The following DCC variants were observed in gnomAD, a reference collection of about 807,000 sequenced individuals.
The protein encoded by DCC is DCC netrin 1 receptor.
DCC carries 58 observed loss-of-function variants against 172.5 expected under a neutral mutation model. That is an observed-to-expected ratio of 0.34 (90% CI 0.27 to 0.42). DCC has a LOEUF of 0.42. DCC is among the 10% of genes least tolerant of loss of function. The pLI, the probability that DCC is intolerant of heterozygous loss-of-function variation, is 1.00. For missense variants in DCC, 1,740 were observed against 1,791.0 expected, an observed-to-expected ratio of 0.97 and a Z score of 0.51; for synonymous variants, 709 against 644.5, an observed-to-expected ratio of 1.10 and a Z score of -1.52.
At chr18:52,915,733 G>C (rs1464750063) in intron 3 of DCC, among the ~76,000 whole-genome samples, 2 of 152,186 alleles carry the variant, frequency 1.3e-5, no homozygotes, top group African/African-American at 4.8e-5. Context: ...AGGGGCAAGA[G>C]AGGCAGAAAA....
rs567279792 is a variant in DCC at position 53,015,220 on chromosome 18, ATTATTTATAG to A, written c.986-48084_986-48075del. On this transcript the variant is annotated intron_variant, in intron 5 of 28. Transcript: ENST00000442544. ...CAATCTGACTTTAATTCATTCAAAA[ATTATTTATAG>A]CAAGTTTAAAATATGAAAAGAACTG... 2.1e-3 allele frequency among the ~76,000 whole-genome samples: 322 copies of A among 152,332 alleles called. 2 individuals are homozygous for A. Among genetic ancestry groups the A allele is most frequent in the African/African-American group, 6.5e-3 (269 of 41,588 alleles).
At chr18:52,896,437 T>C (rs990950430) in intron 2 of DCC, among the ~76,000 whole-genome samples, 1 of 152,190 alleles carries the variant, frequency 6.6e-6, no homozygotes, top group African/African-American at 2.4e-5. Flanking sequence ...AGATGAAAGA[T>C]AGTTGCCACT....
At chr18:52,667,135 G>A (rs1282827581) in intron 1 of DCC, among the ~76,000 whole-genome samples, 1 of 152,110 alleles carries the variant, frequency 6.6e-6, no homozygotes, top group African/African-American at 2.4e-5. Flanking sequence ...CCCAAATGAG[G>A]AGAGGGACTT....
Position 53,486,811 on chromosome 18 carries a change from A to G in DCC, c.3751A>G (p.Ile1251Val). ...TTCTTTTGCAGCTGTCGTGAGCGCCATCCCGGTGCCAACGCTAGAAAGTGC... is the reference window on the plus strand; with the variant it reads ...TTCTTTTGCAGCTGTCGTGAGCGCCGTCCCGGTGCCAACGCTAGAAAGTGC... ...QSNNPAVVSA[I>V]PVPTLESAQY... The change falls in exon 26 of 29, where the codon ATC becomes GTC. Residue 1251 changes from isoleucine to valine, a missense_variant. By Grantham distance (29) the Ile-to-Val change is conservative. Around this residue, in one of 2 missense-constraint regions of DCC, gnomAD observed 1,732 missense variants for 1,767.4 expected, o/e 0.98. Transcript: ENST00000442544. The G allele has an allele frequency of 6.2e-7, 1 of 1,614,164 alleles. No homozygotes were observed.
chr18:52,456,763 G>T (rs1206480744), intron 1 of DCC, among the ~76,000 whole-genome samples: 3 of 151,994 alleles, frequency 2.0e-5, no homozygotes, highest in Non-Finnish European at 4.4e-5. Context: ...GAGATATCTG[G>T]TCTGACTCCT....
intron 24 of DCC, among the ~76,000 whole-genome samples, chr18:53,465,600 T>C (rs2045610977): frequency 6.6e-6 from 1 of 152,140 alleles, no homozygotes; most frequent in South Asian, 2.1e-4. Flanking sequence ...CTGAATTTCT[T>C]GAAACTATAA....
intron 11 of DCC, among the ~76,000 whole-genome samples, chr18:53,210,752 A>T (rs2055737347): frequency 6.6e-6 from 1 of 152,180 alleles, no homozygotes; most frequent in Non-Finnish European, 1.5e-5. Flanking sequence ...ATTTTTAAAA[A>T]AGCAAAAGTT....
At chr18:52,955,104 T>G (rs2040720522) in intron 5 of DCC, among the ~76,000 whole-genome samples, 1 of 152,156 alleles carries the variant, frequency 6.6e-6, no homozygotes, top group Non-Finnish European at 1.5e-5. Flanking sequence ...CCCTTGGTGT[T>G]GTACATTTGT....
chr18:52,373,871 G>A (rs1265183201), intron 1 of DCC, among the ~76,000 whole-genome samples: 1 of 148,914 alleles, frequency 6.7e-6, no homozygotes, highest in Non-Finnish European at 1.5e-5. Context: ...GATCAATGAA[G>A]CATATTTGGT....
chr18:52,986,908 C>T (rs1276904019), intron 5 of DCC, among the ~76,000 whole-genome samples: 4 of 151,706 alleles, frequency 2.6e-5, no homozygotes, highest in African/African-American at 7.3e-5. Context: ...CTGCAACCTC[C>T]GCCTCCCAGG....
At chr18:52,952,668 T>C (rs1452575282) in intron 5 of DCC, among the ~76,000 whole-genome samples, 1 of 152,186 alleles carries the variant, frequency 6.6e-6, no homozygotes, top group Admixed American at 6.5e-5. Flanking sequence ...TACTTCTTTA[T>C]ATGTTGACAA....
intron 1 of DCC, among the ~76,000 whole-genome samples, chr18:52,526,552 A>G (rs760543250): frequency 6.6e-6 from 1 of 152,062 alleles, no homozygotes; most frequent in Non-Finnish European, 1.5e-5. Flanking sequence ...AGCCTTTTCT[A>G]TCTCATGTCA....
chr18:52,935,567 A>G (rs948907606), intron 5 of DCC, among the ~76,000 whole-genome samples: 1 of 152,004 alleles, frequency 6.6e-6, no homozygotes, highest in Non-Finnish European at 1.5e-5. Flanking sequence ...TATTTTTTGC[A>G]TAGGCTTTAA....
intron 1 of DCC, among the ~76,000 whole-genome samples, chr18:52,473,136 T>G (rs1248700324): frequency 2.6e-5 from 4 of 152,176 alleles, no homozygotes; most frequent in Non-Finnish European, 5.9e-5. Context: ...AGAAGCTTAT[T>G]TCTGCCTGCT....
At chr18:53,242,414 CAT>C (rs1467988606) in intron 12 of DCC, among the ~76,000 whole-genome samples, 1 of 152,076 alleles carries the variant, frequency 6.6e-6, no homozygotes, top group Non-Finnish European at 1.5e-5. Flanking sequence ...TTATCTGAAA[CAT>C]AGTATTTGTT....
intron 12 of DCC, among the ~76,000 whole-genome samples, chr18:53,224,117 A>G (rs1271421474): frequency 5.9e-5 from 9 of 152,208 alleles, no homozygotes; most frequent in Middle Eastern, 6.3e-3. Flanking sequence ...CAAATTAACA[A>G]TTGACACAAG....
chr18:52,538,790 T>C (rs1052663542), intron 1 of DCC, among the ~76,000 whole-genome samples: 2 of 152,222 alleles, frequency 1.3e-5, no homozygotes, highest in Admixed American at 6.5e-5. Flanking sequence ...TTAACCTTGA[T>C]TGCAAATTCT....
At chr18:52,353,434 CCCT>C (rs1450582641) in intron 1 of DCC, among the ~76,000 whole-genome samples, 1 of 152,176 alleles carries the variant, frequency 6.6e-6, no homozygotes, top group Non-Finnish European at 1.5e-5. Context: ...CCTCCTCCCT[CCCT>C]CCTCTGTGTC....
rs192442999 is a variant in DCC at position 52,714,592 on chromosome 18, G to A, written c.92-37462G>A. The stretch of plus-strand genomic sequence containing the variant: ...GGATGAGTGAGTGAGTTGAGAGGCT[G>A]AAATAATTTGGATAAGCATCTCATC... On this transcript the variant is annotated intron_variant, in intron 1 of 28. Coordinates refer to ENST00000442544, the MANE Select transcript of DCC (RefSeq NM_005215.4). 2.0e-3 allele frequency among the ~76,000 whole-genome samples: 299 copies of A among 152,248 alleles called. 2 individuals carry two copies. Among genetic ancestry groups the A allele is most frequent in the Non-Finnish European group, 1.4e-3 (98 of 68,018 alleles).
Sources: allele counts gnomAD v4.1 joint callset (sites outside exome capture counted in the v4.1 genomes callset), GRCh38; gene constraint gnomAD v4.1.1; regional missense constraint gnomAD v4.1.1; transcripts MANE v1.5; gene names NCBI Gene and HGNC (gene_info 2026-07-23, HGNC 2026-07-21).